The following TMEM200A variants were observed in gnomAD, a reference collection of about 807,000 sequenced individuals.
TMEM200A encodes two transmembrane C.
In TMEM200A, 12 loss-of-function variants were observed where a neutral mutation model predicts 24.3. That is an observed-to-expected ratio of 0.49 (90% CI 0.32 to 0.80). The LOEUF (loss-of-function observed/expected upper bound fraction) is 0.80. Among genes scored for constraint, TMEM200A ranks in the 30% least tolerant of loss-of-function variants. The pLI is 0.04. For missense variants in TMEM200A, 545 were observed against 614.4 expected (o/e 0.89, Z 1.19); for synonymous variants, 224 against 224.4 (o/e 1.00, Z 0.02).
intron 2 of TMEM200A, among the ~76,000 whole-genome samples, chr6:130,427,301 A>G (rs1779766839): frequency 6.6e-6 from 1 of 152,214 alleles, no homozygotes; most frequent in Non-Finnish European, 1.5e-5. Flanking sequence ...TTTGCCATGA[A>G]CAGAATTCTA....
At chr6:130,368,671 C>A (rs1778240165) in intron 1 of TMEM200A, among the ~76,000 whole-genome samples, 3 of 152,126 alleles carry the variant, frequency 2.0e-5, no homozygotes, top group Non-Finnish European at 4.4e-5. Flanking sequence ...CCCTTCCAGG[C>A]CTTTTCTATG....
chr6:130,424,807 T>C (rs1376708401), intron 2 of TMEM200A, among the ~76,000 whole-genome samples: 3 of 152,148 alleles, frequency 2.0e-5, no homozygotes, highest in African/African-American at 4.8e-5. Context: ...TGGGAGTTGC[T>C]GATAGAAGGT....
At chr6:130,439,876 C>T (rs1255829920) in intron 2 of TMEM200A, among the ~76,000 whole-genome samples, 4 of 152,106 alleles carry the variant, frequency 2.6e-5, no homozygotes, top group Non-Finnish European at 5.9e-5. Context: ...AATTCATTGA[C>T]GACTTTCACA....
chr6:130,418,131 C>T (rs1022688069), intron 2 of TMEM200A, among the ~76,000 whole-genome samples: 1 of 152,110 alleles, frequency 6.6e-6, no homozygotes, highest in Non-Finnish European at 1.5e-5. Flanking sequence ...AAAGTCATTT[C>T]TCATTCTTGA....
intron 2 of TMEM200A, among the ~76,000 whole-genome samples, chr6:130,423,956 G>T (rs2115188449): frequency 6.6e-6 from 1 of 152,174 alleles, no homozygotes; most frequent in African/African-American, 2.4e-5. Context: ...AACTTATTTG[G>T]TCCTCACCAA....
chr6:130,416,070 C>G (rs1282050117), intron 2 of TMEM200A, among the ~76,000 whole-genome samples: 1 of 151,734 alleles, frequency 6.6e-6, no homozygotes, highest in Admixed American at 6.6e-5. Context: ...TTGTTGTTTT[C>G]TTAATAGTAT....
At chr6:130,420,766 A>G (rs962459291) in intron 2 of TMEM200A, among the ~76,000 whole-genome samples, 2 of 152,134 alleles carry the variant, frequency 1.3e-5, no homozygotes, top group Non-Finnish European at 2.9e-5. Flanking sequence ...ACGTTGTCCC[A>G]TTTAAAGGAA....
In TMEM200A at chr6:130,375,165, G is replaced by A. The variant is rs182284799; in HGVS notation, c.-81+8641G>A. Among the ~76,000 whole-genome samples the A allele has an allele frequency of 1.2e-3, 188 of 151,994 alleles. 1 individual carries two copies. The highest frequency in any genetic ancestry group is 4.3e-3 in the African/African-American group (179 of 41,424). ...TTTATGGATCTCAGTCAGTAATTTT[G>A]AACAAAATTATTTTCGTTCATTTGT... On this transcript the variant is annotated intron_variant, in intron 1 of 2. Coordinates refer to ENST00000296978, the MANE Select transcript of TMEM200A (RefSeq NM_001258277.2).
intron 2 of TMEM200A, among the ~76,000 whole-genome samples, chr6:130,411,237 G>A (rs1027215914): frequency 1.9e-4 from 29 of 152,050 alleles, no homozygotes; most frequent in African/African-American, 7.0e-4. Flanking sequence ...GTAGTTGACT[G>A]TGTTGGGATG....
In TMEM200A at chr6:130,379,512, G is replaced by T. The variant is rs538793107; in HGVS notation, c.-80-5661G>T. On this transcript the variant is annotated intron_variant, in intron 1 of 2. Transcript: ENST00000296978. The stretch of plus-strand genomic sequence containing the variant: ...GAGAAATGTGCACATGCGTGATTGA[G>T]CTTCATGCCTCTCCATGGGTCCCAT... Among the ~76,000 whole-genome samples the T allele has an allele frequency of 4.7e-4, 71 of 152,090 alleles. 1 individual carries two copies. Among genetic ancestry groups the T allele is most frequent in the African/African-American group, 1.5e-3 (61 of 41,506 alleles).
intron 1 of TMEM200A, among the ~76,000 whole-genome samples, chr6:130,379,020 C>A (rs192873985): frequency 1.9e-3 from 287 of 152,254 alleles, no homozygotes; most frequent in Non-Finnish European, 3.3e-3. Flanking sequence ...TATGAAGAAA[C>A]CATTCCTATA....
chr6:130,369,661 A>G (rs1034923156), intron 1 of TMEM200A, among the ~76,000 whole-genome samples: 4 of 152,242 alleles, frequency 2.6e-5, no homozygotes, highest in Non-Finnish European at 4.4e-5. Context: ...GATGCTGGAA[A>G]AAGGAAATCC....
chr6:130,424,345 A>AATAAT (rs1263555870), intron 2 of TMEM200A, among the ~76,000 whole-genome samples: 1 of 152,148 alleles, frequency 6.6e-6, no homozygotes, highest in East Asian at 1.9e-4. Flanking sequence ...AACTAAATAC[A>AATAAT]ATAATATATA....
At chr6:130,440,284 A>G (rs1780123254) in intron 2 of TMEM200A, 123 bp from the exon 3 acceptor site, 6 of 972,684 alleles carry the variant, frequency 6.2e-6, no homozygotes, top group Non-Finnish European at 8.4e-6. Flanking sequence ...ATTCTGCCCC[A>G]TTTAATCACA....
At chr6:130,423,665 G>T (rs1382404735) in intron 2 of TMEM200A, among the ~76,000 whole-genome samples, 1 of 152,006 alleles carries the variant, frequency 6.6e-6, no homozygotes, top group Non-Finnish European at 1.5e-5. Context: ...GGTGATAGGG[G>T]TCATTTTTTA....
chr6:130,440,687 C>G lies in TMEM200A; in HGVS notation c.265C>G (p.His89Asp). The change falls in exon 3 of 3, where the codon CAT (histidine) becomes GAT (aspartate). Residue 89 changes from histidine (H) to aspartate (D), a missense_variant. Coordinates refer to ENST00000296978, the MANE Select transcript of TMEM200A (RefSeq NM_001258277.2). ...TCTTGGATATTGGCCCCAAAAAGAA[C>G]ATTTTATTGATGCTGAAACAACACT... ...AVLGYWPQKE[H>D]FIDAETTLST... The G allele has an allele frequency of 6.2e-7, 1 of 1,614,020 alleles. No individual in the cohort carries two copies. Among genetic ancestry groups the G allele is most frequent in the Non-Finnish European group, 8.5e-7 (1 of 1,179,928 alleles).
rs145329092 is a variant in TMEM200A, at chr6:130,441,271, G to A, written c.849G>A (p.Ser283=). 10 of 1,614,006 alleles carry A rather than the reference G, an allele frequency of 6.2e-6. No homozygotes were observed. The African/African-American group carries it at 1.1e-4, about 17-fold the overall frequency. The stretch of plus-strand genomic sequence containing the variant: ...GTGAAACCAAGTCAATTGTGTCATC[G>A]TCCATCAGTGCTTTTACATTGCCTG... ...KKCETKSIVS[S]SISAFTLPVI... is the part of the protein sequence containing the mutation. Residue 283 remains serine (S), a synonymous_variant, in exon 3 of 3, where the codon TCG becomes TCA. Transcript: ENST00000296978.
At chr6:130,425,016 C>T (rs972843891) in intron 2 of TMEM200A, among the ~76,000 whole-genome samples, 2 of 152,084 alleles carry the variant, frequency 1.3e-5, no homozygotes, top group African/African-American at 4.8e-5. Context: ...CCTCTTACTC[C>T]ATCCCCAGAG....
At chr6:130,391,556 A>G (rs899767703) in intron 2 of TMEM200A, among the ~76,000 whole-genome samples, 2 of 152,078 alleles carry the variant, frequency 1.3e-5, no homozygotes, top group Non-Finnish European at 2.9e-5. Context: ...CCAGGCTCCA[A>G]CAAATAACCG....
Sources: gnomAD v4.1 joint callset for allele counts (sites outside exome capture counted in the v4.1 genomes callset) on GRCh38, gnomAD v4.1.1 for gene constraint, MANE v1.5 for transcripts, NCBI Gene and HGNC (gene_info 2026-07-23, HGNC 2026-07-21) for gene names.